CDH4: variants seen among roughly 807,000 people sequenced by gnomAD.
CDH4 encodes cadherin-4.
Under a neutral mutation model 86.0 loss-of-function variants are expected in CDH4, and 33 were observed. The ratio of observed to expected loss-of-function variants is 0.38; its 90% CI spans 0.29 to 0.51. The LOEUF (loss-of-function observed/expected upper bound fraction) is 0.51. Ranked by LOEUF, CDH4 falls within the 20% of genes least tolerant of loss-of-function variation. CDH4 has a pLI of 0.86. For missense variants in CDH4, 1,114 were observed against 1,307.4 expected, an observed-to-expected ratio of 0.85 and a Z score of 2.28; for synonymous variants, 555 against 549.4, an observed-to-expected ratio of 1.01 and a Z score of -0.14.
At chr20:61,890,633 G>A (rs573930776) in intron 7 of CDH4, among the ~76,000 whole-genome samples, 3 of 152,256 alleles carry the variant, frequency 2.0e-5, no homozygotes, top group Admixed American at 6.5e-5. Flanking sequence ...ATGGGTAGAC[G>A]GATGAGGGAG....
rs1294616171 is a variant in CDH4, at chr20:61,708,682, G to T, written c.170-34881G>T. Among the ~76,000 whole-genome samples the T allele has an allele frequency of 2.6e-5, 4 of 152,110 alleles. No homozygotes were observed. The highest frequency in any genetic ancestry group is 9.7e-5 in the African/African-American group (4 of 41,438). Reference sequence around the variant, plus strand: ...CCCCTTCCCATCCTTGGGGCTCAGAGAAATGCTGCCTTCTCCGGGGAGGCC... The same window carrying T: ...CCCCTTCCCATCCTTGGGGCTCAGATAAATGCTGCCTTCTCCGGGGAGGCC... On this transcript the variant is annotated intron_variant, in intron 2 of 15. Coordinates refer to ENST00000614565, the MANE Select transcript of CDH4 (RefSeq NM_001794.5). The surrounding 1 kb of genome is among the most constrained non-coding windows in gnomAD (Gnocchi z 4.5).
chr20:61,872,684 C>G (rs1391062095), intron 6 of CDH4, among the ~76,000 whole-genome samples: 3 of 152,256 alleles, frequency 2.0e-5, no homozygotes, highest in Non-Finnish European at 4.4e-5. Context: ...GCAGGGCAAG[C>G]TGAGCACACA....
intron 13 of CDH4, among the ~76,000 whole-genome samples, chr20:61,931,449 C>T (rs2055108091): frequency 6.6e-6 from 1 of 152,248 alleles, no homozygotes; most frequent in Non-Finnish European, 1.5e-5. Flanking sequence ...CTCCTCACGA[C>T]ATCAGGCAGC....
At chr20:61,648,764 A>T (rs542606534) in intron 2 of CDH4, among the ~76,000 whole-genome samples, 1 of 152,272 alleles carries the variant, frequency 6.6e-6, no homozygotes, top group South Asian at 2.1e-4. Flanking sequence ...TGCATGTGTT[A>T]CGGGGATAGC....
chr20:61,768,133 C>T lies in CDH4; in HGVS notation c.397-4870C>T, dbSNP rs80152391. Among the ~76,000 whole-genome samples, 374 of 152,258 alleles carry T rather than the reference C, an allele frequency of 2.5e-3. 7 individuals carry two copies. In the East Asian group the frequency reaches 0.056, roughly 23 times the overall value. On this transcript the variant is annotated intron_variant, in intron 3 of 15. Coordinates refer to ENST00000614565, the MANE Select transcript of CDH4 (RefSeq NM_001794.5). ...ACTGTCAGGATGCGGGGAGTGGGTA[C>T]GGCCAAGATATCTTGCTGCTGGGCT... is the stretch of plus-strand genomic sequence containing the variant.
chr20:61,745,280 A>G (rs553141186), intron 3 of CDH4, among the ~76,000 whole-genome samples: 1 of 152,252 alleles, frequency 6.6e-6, no homozygotes, highest in South Asian at 2.1e-4. Context: ...AGTTTCCCCA[A>G]ACTGTCTGAC....
chr20:61,418,413 A>G (rs2085158923), intron 2 of CDH4, among the ~76,000 whole-genome samples: 2 of 151,812 alleles, frequency 1.3e-5, no homozygotes. Context: ...GGATTTCACC[A>G]TGTTAGCCAG....
At chr20:61,852,232 A>G (rs562179024) in intron 5 of CDH4, among the ~76,000 whole-genome samples, 1 of 152,076 alleles carries the variant, frequency 6.6e-6, no homozygotes, top group South Asian at 2.1e-4. Context: ...CTCTCAGTGG[A>G]CGCCCAAATG....
At chr20:61,567,718 C>T (rs963739502) in intron 2 of CDH4, among the ~76,000 whole-genome samples, 3 of 152,202 alleles carry the variant, frequency 2.0e-5, no homozygotes, top group Non-Finnish European at 4.4e-5. Flanking sequence ...TGTGGTGGCT[C>T]ATGCCAGAAT....
chr20:61,892,149 C>T (rs2122858923), intron 7 of CDH4, among the ~76,000 whole-genome samples: 1 of 152,340 alleles, frequency 6.6e-6, no homozygotes, highest in South Asian at 2.1e-4. Context: ...ATTCAGCCCA[C>T]AGGCCATCGC....
At chr20:61,908,998 C>T (rs150758365) in intron 8 of CDH4, among the ~76,000 whole-genome samples, 10 of 152,364 alleles carry the variant, frequency 6.6e-5, no homozygotes, top group East Asian at 5.8e-4. Context: ...GACACCCTAA[C>T]GGCCTTGTTT....
intron 7 of CDH4, among the ~76,000 whole-genome samples, chr20:61,893,128 A>C (rs1984902649): frequency 7.1e-6 from 1 of 140,104 alleles, no homozygotes; most frequent in African/African-American, 2.7e-5. Flanking sequence ...GGGTGGGTGA[A>C]TAGAGGGATA....
chr20:61,506,330 C>T (rs60991698), intron 2 of CDH4, among the ~76,000 whole-genome samples: 5,194 of 152,282 alleles, frequency 0.034, 313 homozygotes, highest in African/African-American at 0.12. Flanking sequence ...CGAAACATTA[C>T]GAATGCAATA....
intron 6 of CDH4, among the ~76,000 whole-genome samples, chr20:61,860,943 C>T (rs1418112859): frequency 6.6e-6 from 1 of 152,206 alleles, no homozygotes; most frequent in Non-Finnish European, 1.5e-5. Context: ...TGGCTGTCTG[C>T]CTGCAGATCA....
At chr20:61,612,453 CT>C (rs1028852165) in intron 2 of CDH4, among the ~76,000 whole-genome samples, 9 of 152,046 alleles carry the variant, frequency 5.9e-5, no homozygotes, top group Non-Finnish European at 1.3e-4. Flanking sequence ...GTGGGCATTC[CT>C]CCTTATCAGC....
intron 2 of CDH4, among the ~76,000 whole-genome samples, chr20:61,265,223 C>T (rs1312096343): frequency 2.7e-5 from 4 of 148,278 alleles, no homozygotes; most frequent in South Asian, 4.4e-4. Context: ...ATCTCAGTGG[C>T]TCCTTCATTC....
intron 2 of CDH4, among the ~76,000 whole-genome samples, chr20:61,293,899 T>G (rs2427039): frequency 0.96 from 145,968 of 152,144 alleles, 70,282 homozygotes; most frequent in East Asian, 1. Flanking sequence ...GTGCCGGGTT[T>G]TGCGGGTCCA....
At position 61,519,052 on chromosome 20, in the gene CDH4, G is replaced by A. The variant is rs183842476; in HGVS notation, c.170-224511G>A. ...AAGCCCTGTCCACCACCCCAGATGG[G>A]CTTTCTGTAAGTCGCTGAGTATGAC... is the stretch of plus-strand genomic sequence containing the variant. On this transcript the variant is annotated intron_variant, in intron 2 of 15. Coordinates refer to ENST00000614565, the MANE Select transcript of CDH4 (RefSeq NM_001794.5). Among the ~76,000 whole-genome samples the A allele has an allele frequency of 2.3e-4, 35 of 152,242 alleles. No homozygotes were observed. In the East Asian group the frequency reaches 5.2e-3, roughly 23 times the overall value.
rs115214974 is a variant in CDH4, at chr20:61,278,474, T to A, written c.169+23537T>A. On this transcript the variant is annotated intron_variant, in intron 2 of 15. Transcript: ENST00000614565. Reference sequence around the variant, plus strand: ...TGTTTGCAGACTGAGGACATGCACCTTTATCACGGTCCGTGGCGACCTCAG... The same window carrying A: ...TGTTTGCAGACTGAGGACATGCACCATTATCACGGTCCGTGGCGACCTCAG... Among the ~76,000 whole-genome samples the A allele has an allele frequency of 3.7e-3, 565 of 152,346 alleles. 4 individuals are homozygous for A. The highest frequency in any genetic ancestry group is 0.013 in the African/African-American group (543 of 41,592).
Sources: allele counts gnomAD v4.1 joint callset (sites outside exome capture counted in the v4.1 genomes callset), GRCh38; gene constraint gnomAD v4.1.1; non-coding constraint Gnocchi (gnomAD v3.1); transcripts MANE v1.5; gene names NCBI Gene and HGNC (gene_info 2026-07-23, HGNC 2026-07-21).